PLEKHG7: variants seen among roughly 807,000 people sequenced by gnomAD.
The protein encoded by PLEKHG7 is pleckstrin homology domain-containing family G member 7.
A neutral mutation model predicts 85.2 loss-of-function variants in PLEKHG7; 77 were observed. That is an observed-to-expected ratio of 0.90 (90% CI 0.75 to 1.09). PLEKHG7 has a LOEUF of 1.09. Ranked by LOEUF, PLEKHG7 falls within the 50% of genes least tolerant of loss-of-function variation. The probability of loss-of-function intolerance (pLI) is 0.00; values close to 1 mark genes in which losing one functional copy is unlikely to be tolerated. For missense variants in PLEKHG7, 777 were observed against 804.3 expected, an observed-to-expected ratio of 0.97 and a Z score of 0.41; for synonymous variants, 301 against 302.4, an observed-to-expected ratio of 1.00 and a Z score of 0.05.
At chr12:92,740,039 T>C (rs1039568922) in intron 7 of PLEKHG7, among the ~76,000 whole-genome samples, 3 of 152,276 alleles carry the variant, frequency 2.0e-5, no homozygotes. Context: ...GTGATTCCGA[T>C]GCAAGTTCAA....
intron 3 of PLEKHG7, among the ~76,000 whole-genome samples, chr12:92,724,133 G>A (rs577572873): frequency 5.3e-5 from 8 of 152,008 alleles, no homozygotes; most frequent in South Asian, 2.1e-4. Context: ...CTTCTTTTTC[G>A]GAGCACTCAG....
At chr12:92,714,541 C>T (rs1871431044) in intron 3 of PLEKHG7, among the ~76,000 whole-genome samples, 1 of 152,128 alleles carries the variant, frequency 6.6e-6, no homozygotes, top group African/African-American at 2.4e-5. Flanking sequence ...AATTTCAGCT[C>T]TTTCTCTACA....
Position 92,764,039 on chromosome 12 carries a change from A to G in PLEKHG7, c.1717-2A>G, listed in dbSNP as rs376044083. On this transcript the variant is annotated splice_acceptor_variant, in intron 14 of 16. Coordinates refer to ENST00000344636, the MANE Select transcript of PLEKHG7 (RefSeq NM_001377329.1). LOFTEE classifies it high-confidence loss of function. ...TTGCATTATTTTTCTTGTTAATTTC[A>G]GAAACTTGGAGGCTCAGACCCTGGT... is the stretch of plus-strand genomic sequence containing the variant. 1.4e-5 allele frequency: 23 copies of G among 1,591,758 alleles called. 1 individual carries two copies. In the South Asian group the frequency reaches 1.8e-4, roughly 13 times the overall value.
intron 10 of PLEKHG7, among the ~76,000 whole-genome samples, chr12:92,747,235 C>A (rs1872557414): frequency 1.4e-5 from 2 of 141,418 alleles, no homozygotes. Flanking sequence ...CAAAATGAAA[C>A]ATACAAATGG....
At chr12:92,737,268 T>C (rs1337184052) in intron 6 of PLEKHG7, 110 bp from the exon 7 acceptor site, 1 of 995,686 alleles carries the variant, frequency 1.0e-6, no homozygotes, top group Admixed American at 4.0e-5. Flanking sequence ...CAGGAAATCA[T>C]GATTTCGGGG....
chr12:92,759,622 A>G (rs1872929661), intron 13 of PLEKHG7, among the ~76,000 whole-genome samples: 1 of 152,248 alleles, frequency 6.6e-6, no homozygotes, highest in Non-Finnish European at 1.5e-5. Flanking sequence ...CAGAGCAGAC[A>G]TCAGAGAGCT....
intron 13 of PLEKHG7, among the ~76,000 whole-genome samples, chr12:92,760,124 A>G (rs1872945486): frequency 6.6e-6 from 1 of 152,164 alleles, no homozygotes; most frequent in African/African-American, 2.4e-5. Flanking sequence ...CAGAAGTTGC[A>G]TGCTTTGGCT....
In PLEKHG7 at chr12:92,764,120, C is replaced by T. The variant is rs755715110; in HGVS notation, c.1796C>T (p.Ser599Leu). The part of the protein sequence containing the change: ...ELQAVIKEGG[S>L]CTVLDQPIPL... Reference sequence around the variant, plus strand: ...CAAGCAGTAATAAAAGAGGGTGGTTCGTGTACAGTACTCGATCAGCCTATT... The same window carrying T: ...CAAGCAGTAATAAAAGAGGGTGGTTTGTGTACAGTACTCGATCAGCCTATT... The change falls in exon 15 of 17, where the codon TCG becomes TTG. Residue 599 changes from serine (S) to leucine (L), a missense_variant. Around this residue, in one of 3 missense-constraint regions of PLEKHG7, gnomAD observed 520 missense variants for 544.0 expected, o/e 0.96. Coordinates refer to ENST00000344636, the MANE Select transcript of PLEKHG7 (RefSeq NM_001377329.1). The T allele has an allele frequency of 3.1e-6, 5 of 1,612,524 alleles. No homozygotes were observed. Among genetic ancestry groups the T allele is most frequent in the Admixed American group, 1.7e-5 (1 of 59,896 alleles).
At chr12:92,706,439 C>A in intron 1 of PLEKHG7, 32 bp from the exon 2 acceptor site, 2 of 606,626 alleles carry the variant, frequency 3.3e-6, no homozygotes, top group Non-Finnish European at 2.7e-6. Flanking sequence ...TCATTTGCTA[C>A]ATATTTCACA....
At chr12:92,725,512 G>A (rs1426161119) in intron 3 of PLEKHG7, among the ~76,000 whole-genome samples, 1 of 152,174 alleles carries the variant, frequency 6.6e-6, no homozygotes, top group African/African-American at 2.4e-5. Context: ...ACAATTGGAA[G>A]ATGTTGAGGC....
Position 92,710,989 on chromosome 12 carries a change from C to T in PLEKHG7, c.530+3317C>T, listed in dbSNP as rs186452071. On this transcript the variant is annotated intron_variant, in intron 3 of 16. Transcript: ENST00000344636. ...CTCAGAGAGGTCTATCCACATACCC[C>T]TTCCCCAAATTTCTTTGTCACCAAT... Among the ~76,000 whole-genome samples, 3 of 152,330 alleles carry T rather than the reference C, an allele frequency of 2.0e-5. No homozygotes were observed. The East Asian group carries it at 5.8e-4, about 29-fold the overall frequency.
At position 92,745,534 on chromosome 12, in the gene PLEKHG7, T is replaced by C. The variant is rs1253084558; in HGVS notation, c.1194T>C (p.Ala398=). The C allele has an allele frequency of 3.7e-6, 6 of 1,613,962 alleles. No individual in the cohort carries two copies. The African/African-American group carries it at 8.0e-5, about 22-fold the overall frequency. Residue 398 remains alanine (A), a synonymous_variant, in exon 10 of 17, where the codon GCT becomes GCC. Coordinates refer to ENST00000344636, the MANE Select transcript of PLEKHG7 (RefSeq NM_001377329.1). Reference sequence around the variant, plus strand: ...AGACCTACTGCCTGAACTATTCAGCTGCTATCTTTTATCTTGAGAGCCTGA... The same window carrying C: ...AGACCTACTGCCTGAACTATTCAGCCGCTATCTTTTATCTTGAGAGCCTGA... The part of the protein sequence containing the change: ...SHQTYCLNYS[A]AIFYLESLRQ...
At position 92,771,980 on chromosome 12, in the gene PLEKHG7, G is replaced by A. The variant is rs1272628389; in HGVS notation, c.*1785G>A. The A allele has an allele frequency of 6.6e-6, 1 of 151,870 alleles. No homozygotes were observed. The highest frequency in any genetic ancestry group is 1.5e-5 in the Non-Finnish European group (1 of 67,860). The allele number at this position is 151,870 out of a possible 1,614,324, so 9.4% of individuals were successfully genotyped here. A position where few individuals can be genotyped will look rare whatever the true frequency, so the allele number is the denominator to read the frequency against. On this transcript the variant is annotated 3_prime_UTR_variant, in exon 17 of 17. Transcript: ENST00000344636. ...ATGTCTAATATACAATATATTAGAT[G>A]TTTGAGGATATGCACATTAAACTCT...
Position 92,729,062 on chromosome 12 carries a change from T to C in PLEKHG7, c.600T>C (p.Leu200=). ...GACTTGAGGTGTTCCCCGGGGACCT[T>C]CTGGTGTCAGATGGAGCTGCTGATT... ...LPGLEVFPGD[L]LVSDGAADYL... is the part of the protein sequence containing the mutation. Residue 200 remains leucine (L), a synonymous_variant, in exon 4 of 17, where the codon CTT becomes CTC. Coordinates refer to ENST00000344636, the MANE Select transcript of PLEKHG7 (RefSeq NM_001377329.1). 1 of 1,231,812 alleles carries C rather than the reference T, an allele frequency of 8.1e-7. No homozygotes were observed. The highest frequency in any genetic ancestry group is 1.0e-6 in the Non-Finnish European group (1 of 987,770). The allele number at this position is 1,231,812 out of a possible 1,614,324, so 76.3% of individuals were successfully genotyped here.
At chr12:92,743,025 G>A (rs901466767) in intron 9 of PLEKHG7, among the ~76,000 whole-genome samples, 1 of 152,146 alleles carries the variant, frequency 6.6e-6, no homozygotes, top group African/African-American at 2.4e-5. Context: ...GTGCAATGAT[G>A]GGCTATAAAA....
Position 92,754,240 on chromosome 12 carries a change from A to G in PLEKHG7, c.1402A>G (p.Lys468Glu). 6.2e-7 allele frequency: 1 copy of G among 1,613,970 alleles called. No homozygotes were observed. Among genetic ancestry groups the G allele is most frequent in the Non-Finnish European group, 8.5e-7 (1 of 1,179,936 alleles). ...SAEKIMIYSI[K>E]EKVEKSIRDL... ...TGAGAAAATCATGATCTACTCCATC[A>G]AGGAAAAGGTGGAAAAGTCCATCCG... is the stretch of plus-strand genomic sequence containing the variant. Residue 468 changes from lysine to glutamate, a missense_variant, in exon 11 of 17, where the codon AAG (lysine) becomes GAG (glutamate). This residue lies in a region of PLEKHG7 where 520 missense variants were observed against 544.0 expected (regional missense o/e 0.96). Coordinates refer to ENST00000344636, the MANE Select transcript of PLEKHG7 (RefSeq NM_001377329.1).
At chr12:92,748,009 TTG>T (rs1872583573) in intron 10 of PLEKHG7, among the ~76,000 whole-genome samples, 1 of 152,182 alleles carries the variant, frequency 6.6e-6, no homozygotes, top group African/African-American at 2.4e-5. Context: ...CAATAATTTA[TTG>T]TGTGTTTCAA....
chr12:92,712,151 C>T (rs1447350017), intron 3 of PLEKHG7, among the ~76,000 whole-genome samples: 1 of 152,190 alleles, frequency 6.6e-6, no homozygotes, highest in Non-Finnish European at 1.5e-5. Context: ...TTTGCTACTT[C>T]TTGCTCACTG....
In PLEKHG7 at chr12:92,740,848, C is replaced by T; in HGVS notation, c.940-5C>T. 1 of 1,571,558 alleles carries T rather than the reference C, an allele frequency of 6.4e-7. No homozygotes were observed. The highest frequency in any genetic ancestry group is 8.7e-7 in the Non-Finnish European group (1 of 1,148,494). ...ATTAATGTGTATATATTTTTTATTT[C>T]AAAGATCTTTATGAATACACTAAGA... On this transcript the variant is annotated splice_region_variant and splice_polypyrimidine_tract_variant and intron_variant, in intron 7 of 16. Transcript: ENST00000344636.
Sources: allele counts gnomAD v4.1 joint callset (sites outside exome capture counted in the v4.1 genomes callset), GRCh38; gene constraint gnomAD v4.1.1; regional missense constraint gnomAD v4.1.1; transcripts MANE v1.5; gene names NCBI Gene and HGNC (gene_info 2026-07-23, HGNC 2026-07-21).